Variants in LY86 observed in about 807,000 individuals in gnomAD.
The protein encoded by LY86 is lymphocyte antigen 86, also known as MD-1, RP105-associated.
In LY86, 20 loss-of-function variants were observed where a neutral mutation model predicts 17.3. The observed-to-expected ratio is 1.15, with a 90% CI of 0.81 to 1.68. The LOEUF (loss-of-function observed/expected upper bound fraction) is 1.68, where lower values mean the gene tolerates loss of function less well. Ranked by LOEUF, LY86 falls within the 40% of genes most tolerant of loss-of-function variation. The pLI is 0.00. For synonymous variants in LY86, 74 were observed against 70.6 expected, an observed-to-expected ratio of 1.05 and a Z score of -0.24; for missense variants, 200 against 191.9, an observed-to-expected ratio of 1.04 and a Z score of -0.25.
At chr6:6,606,772 G>A (rs535719650) in intron 1 of LY86, among the ~76,000 whole-genome samples, 43 of 152,174 alleles carry the variant, frequency 2.8e-4, no homozygotes, top group Non-Finnish European at 1.8e-4. Context: ...GCCCGCAAGC[G>A]CCGCGCGCAG....
chr6:6,608,623 C>T (rs35556666), intron 1 of LY86, among the ~76,000 whole-genome samples: 17,054 of 152,172 alleles, frequency 0.11, 1,076 homozygotes, highest in South Asian at 0.15. Flanking sequence ...CAGTTTTGTC[C>T]AGTAATGTTT....
intron 1 of LY86, among the ~76,000 whole-genome samples, chr6:6,589,469 G>A (rs887266496): frequency 6.6e-6 from 1 of 152,186 alleles, no homozygotes; most frequent in Non-Finnish European, 1.5e-5. Context: ...CACCCCAGCG[G>A]GCCAACCCAA....
chr6:6,599,164 C>A (rs960281362), intron 1 of LY86, among the ~76,000 whole-genome samples: 1 of 152,208 alleles, frequency 6.6e-6, no homozygotes, highest in Non-Finnish European at 1.5e-5. Flanking sequence ...AAGAATGAGG[C>A]TCCGTGCTCA....
At chr6:6,594,522 C>G (rs974281856) in intron 1 of LY86, among the ~76,000 whole-genome samples, 1 of 152,150 alleles carries the variant, frequency 6.6e-6, no homozygotes, top group Non-Finnish European at 1.5e-5. Context: ...TTATAATCAT[C>G]TGGAACTTTC....
intron 1 of LY86, among the ~76,000 whole-genome samples, chr6:6,616,867 A>G (rs1761567207): frequency 6.6e-6 from 1 of 152,216 alleles, no homozygotes; most frequent in African/African-American, 2.4e-5. Flanking sequence ...TCCCCTGTCA[A>G]GAGACAGACA....
At chr6:6,593,835 C>T (rs1239408735) in intron 1 of LY86, among the ~76,000 whole-genome samples, 1 of 152,152 alleles carries the variant, frequency 6.6e-6, no homozygotes, top group African/African-American at 2.4e-5. Context: ...CTCATGATGC[C>T]CCTTGGTGCA....
intron 3 of LY86, among the ~76,000 whole-genome samples, chr6:6,632,550 T>C (rs894309927): frequency 3.3e-5 from 5 of 152,118 alleles, no homozygotes; most frequent in Admixed American, 6.5e-5. Flanking sequence ...GGTGGGTCTG[T>C]CATAGAAACA....
At chr6:6,592,844 T>TA (rs1760574824) in intron 1 of LY86, among the ~76,000 whole-genome samples, 1 of 152,198 alleles carries the variant, frequency 6.6e-6, no homozygotes, top group Non-Finnish European at 1.5e-5. Flanking sequence ...GTTGGCTGTT[T>TA]AAGCCCCCCA....
At chr6:6,630,379 G>C (rs946383250) in intron 3 of LY86, among the ~76,000 whole-genome samples, 1 of 152,174 alleles carries the variant, frequency 6.6e-6, no homozygotes, top group African/African-American at 2.4e-5. Context: ...TCAGGCTGTG[G>C]GCTCACTGAG....
intron 1 of LY86, among the ~76,000 whole-genome samples, chr6:6,611,061 G>A (rs1761319358): frequency 1.3e-5 from 2 of 152,308 alleles, no homozygotes; most frequent in South Asian, 4.2e-4. Flanking sequence ...GGACCGTTAA[G>A]ATCTGGCCGT....
At chr6:6,626,623 A>C (rs1422650458) in intron 3 of LY86, among the ~76,000 whole-genome samples, 1 of 152,232 alleles carries the variant, frequency 6.6e-6, no homozygotes. Context: ...GCTGTTGTGA[A>C]TATCAAAATG....
intron 4 of LY86, among the ~76,000 whole-genome samples, chr6:6,651,315 C>A (rs1192138070): frequency 6.6e-6 from 1 of 152,200 alleles, no homozygotes; most frequent in Non-Finnish European, 1.5e-5. Context: ...CTTAGTTTCA[C>A]CTCTGGGTTT....
intron 3 of LY86, among the ~76,000 whole-genome samples, chr6:6,634,871 C>G (rs1483743518): frequency 6.6e-6 from 1 of 152,202 alleles, no homozygotes; most frequent in Non-Finnish European, 1.5e-5. Context: ...AATCTGTTTA[C>G]TGCCTAGATT....
At chr6:6,636,832 C>G (rs1761965804) in intron 3 of LY86, among the ~76,000 whole-genome samples, 1 of 150,282 alleles carries the variant, frequency 6.7e-6, no homozygotes, top group East Asian at 2.0e-4. Flanking sequence ...CAAATTCATG[C>G]AGAATCACCA....
At chr6:6,650,708 T>C (rs1004963614) in intron 4 of LY86, among the ~76,000 whole-genome samples, 1 of 152,200 alleles carries the variant, frequency 6.6e-6, no homozygotes, top group Non-Finnish European at 1.5e-5. Flanking sequence ...GAGATTTGGT[T>C]ATGTGTATGT....
chr6:6,637,633 A>T lies in LY86; in HGVS notation c.352+11212A>T, dbSNP rs548795652. 5.9e-5 allele frequency among the ~76,000 whole-genome samples: 9 copies of T among 152,256 alleles called. No individual in the cohort carries two copies. The South Asian group carries it at 1.2e-3, about 21-fold the overall frequency. On this transcript the variant is annotated intron_variant, in intron 3 of 4. Coordinates refer to ENST00000230568, the MANE Select transcript of LY86 (RefSeq NM_004271.4). The stretch of plus-strand genomic sequence containing the variant: ...CGACTCCCCCACATCACCCACTTGG[A>T]TCCCAGAGCTGCTGGTATTTGCATT...
At chr6:6,615,968 C>G (rs1048076567) in intron 1 of LY86, among the ~76,000 whole-genome samples, 1 of 152,186 alleles carries the variant, frequency 6.6e-6, no homozygotes, top group Admixed American at 6.5e-5. Flanking sequence ...GTTTCATTTT[C>G]TGCAACTGTA....
chr6:6,636,785 T>C (rs1384886278), intron 3 of LY86, among the ~76,000 whole-genome samples: 1 of 152,054 alleles, frequency 6.6e-6, no homozygotes, highest in Non-Finnish European at 1.5e-5. Flanking sequence ...CAATGGTAGA[T>C]TTCCTGCTTG....
intron 3 of LY86, among the ~76,000 whole-genome samples, chr6:6,640,833 T>A (rs1762030265): frequency 6.6e-6 from 1 of 152,238 alleles, no homozygotes; most frequent in African/African-American, 2.4e-5. Flanking sequence ...GGAAAAATTC[T>A]AATTTTATAA....
Sources: gnomAD v4.1 joint callset for allele counts (sites outside exome capture counted in the v4.1 genomes callset) on GRCh38, gnomAD v4.1.1 for gene constraint, MANE v1.5 for transcripts, NCBI Gene and HGNC (gene_info 2026-07-23, HGNC 2026-07-21) for gene names.